The following KIAA1217 variants were observed in gnomAD, a reference collection of about 807,000 sequenced individuals.
KIAA1217 encodes KIAA1217.
Under a neutral mutation model 163.9 loss-of-function variants are expected in KIAA1217, and 88 were observed. The observed-to-expected ratio is 0.54, with a 90% CI of 0.45 to 0.64. The LOEUF is 0.64. Among genes scored for constraint, KIAA1217 ranks in the 30% least tolerant of loss-of-function variants. KIAA1217 has a pLI of 0.00. For synonymous variants in KIAA1217, 903 were observed against 923.1 expected, an observed-to-expected ratio of 0.98 and a Z score of 0.39; for missense variants, 2,372 against 2,475.0, an observed-to-expected ratio of 0.96 and a Z score of 0.88.
At chr10:24,486,207 T>C (rs2065373712) in intron 6 of KIAA1217, among the ~76,000 whole-genome samples, 1 of 152,162 alleles carries the variant, frequency 6.6e-6, no homozygotes, top group Non-Finnish European at 1.5e-5. Context: ...CTGTTCTCAG[T>C]GGAGGGGGCC....
intron 2 of KIAA1217, among the ~76,000 whole-genome samples, chr10:24,332,103 A>G (rs1463770532): frequency 6.6e-6 from 1 of 152,230 alleles, no homozygotes; most frequent in Non-Finnish European, 1.5e-5. Context: ...ACGTGATATC[A>G]GTAGTCAGGT....
intron 2 of KIAA1217, among the ~76,000 whole-genome samples, chr10:24,098,018 C>T (rs1483309989): frequency 6.6e-6 from 1 of 151,928 alleles, no homozygotes; most frequent in Non-Finnish European, 1.5e-5. Flanking sequence ...CTGGAGCTGC[C>T]GCTGATCTTT....
intron 6 of KIAA1217, 143 bp from the exon 7 acceptor site, chr10:24,494,357 C>A: frequency 1.5e-6 from 1 of 660,096 alleles, no homozygotes; most frequent in Non-Finnish European, 2.7e-6. Context: ...GGATGTGCGG[C>A]TCTTCATGTT....
At chr10:24,164,423 A>G (rs530252229) in intron 2 of KIAA1217, among the ~76,000 whole-genome samples, 11 of 152,192 alleles carry the variant, frequency 7.2e-5, no homozygotes, top group Non-Finnish European at 1.5e-4. Context: ...CTACTGGTGT[A>G]CCTGTTTCAA....
intron 1 of KIAA1217, among the ~76,000 whole-genome samples, chr10:23,900,135 A>G (rs1453186183): frequency 6.6e-6 from 1 of 151,828 alleles, no homozygotes; most frequent in Non-Finnish European, 1.5e-5. Context: ...CCTCCTGAGT[A>G]GCTGGGATTG....
In KIAA1217 at chr10:23,847,126, A is replaced by G. The variant is rs150075237; in HGVS notation, c.-321+151892A>G. On this transcript the variant is annotated intron_variant, in intron 1 of 18. Transcript: ENST00000376462. ...CATAAGCTTTTTAATGTGCTACTGG[A>G]TTCGGTTTGCCAGTATTTTATTGAG... Among the ~76,000 whole-genome samples, 33 of 152,198 alleles carry G rather than the reference A, an allele frequency of 2.2e-4. No individual in the cohort carries two copies. In the East Asian group the frequency reaches 5.0e-3, roughly 23 times the overall value.
intron 2 of KIAA1217, among the ~76,000 whole-genome samples, chr10:24,286,443 CAT>C (rs768917563): frequency 7.6e-4 from 114 of 150,606 alleles, no homozygotes; most frequent in Non-Finnish European, 1.0e-3. Context: ...CACACACACG[CAT>C]ATATATATAT....
intron 2 of KIAA1217, among the ~76,000 whole-genome samples, chr10:24,119,657 G>T (rs1188774691): frequency 6.6e-6 from 1 of 152,060 alleles, no homozygotes; most frequent in Non-Finnish European, 1.5e-5. Flanking sequence ...ATCTAGAAGG[G>T]CCCAGAATGT....
At chr10:23,789,874 CAT>C (rs967820098) in intron 1 of KIAA1217, among the ~76,000 whole-genome samples, 4 of 149,120 alleles carry the variant, frequency 2.7e-5, no homozygotes, top group African/African-American at 7.5e-5. Context: ...TAGTTCCCTT[CAT>C]ATATATATAT....
chr10:23,848,896 A>G (rs11013754), intron 1 of KIAA1217, among the ~76,000 whole-genome samples: 1 of 152,210 alleles, frequency 6.6e-6, no homozygotes, highest in East Asian at 1.9e-4. Flanking sequence ...TCACTAATAC[A>G]ATATATGTCA....
At chr10:24,032,779 T>G (rs1848239834) in intron 2 of KIAA1217, among the ~76,000 whole-genome samples, 1 of 152,172 alleles carries the variant, frequency 6.6e-6, no homozygotes, top group African/African-American at 2.4e-5. Flanking sequence ...TTTAATGCTT[T>G]AGATTATACG....
chr10:24,303,575 C>T (rs2041638728), intron 2 of KIAA1217, among the ~76,000 whole-genome samples: 2 of 152,138 alleles, frequency 1.3e-5, no homozygotes, highest in Non-Finnish European at 2.9e-5. Flanking sequence ...AAGGTTTGTG[C>T]CCTCGGCAAC....
intron 2 of KIAA1217, among the ~76,000 whole-genome samples, chr10:24,355,726 C>CTTTTTT (rs2049001042): frequency 1.4e-5 from 1 of 69,236 alleles, no homozygotes; most frequent in African/African-American, 3.9e-5. Context: ...CAAGTCCTCA[C>CTTTTTT]TCTTTTTTTT....
chr10:24,446,734 G>T (rs1592012216), intron 5 of KIAA1217, among the ~76,000 whole-genome samples: 1 of 152,178 alleles, frequency 6.6e-6, no homozygotes, highest in South Asian at 2.1e-4. Context: ...CAATTTGCTT[G>T]TATTTACTGC....
At chr10:24,065,415 A>C (rs543175854) in intron 2 of KIAA1217, among the ~76,000 whole-genome samples, 1 of 152,152 alleles carries the variant, frequency 6.6e-6, no homozygotes, top group African/African-American at 2.4e-5. Flanking sequence ...GTAGTCATTC[A>C]GGAGCAGGTT....
At chr10:23,702,010 T>C (rs1836485803) in intron 1 of KIAA1217, among the ~76,000 whole-genome samples, 3 of 152,144 alleles carry the variant, frequency 2.0e-5, no homozygotes, top group African/African-American at 7.2e-5. Flanking sequence ...AAGAGAGCCT[T>C]GGGTTTAGTA....
chr10:24,244,561 C>CTTTTTTTTTTTTTTT (rs11318420), intron 2 of KIAA1217, among the ~76,000 whole-genome samples: 9 of 85,304 alleles, frequency 1.1e-4, no homozygotes, highest in Non-Finnish European at 1.7e-4. Context: ...TTCTTTCTTT[C>CTTTTTTTTTTTTTTT]TTTTTTTTTT....
rs530011606 is a variant in KIAA1217, at chr10:23,799,529, A to G, written c.-321+104295A>G. Among the ~76,000 whole-genome samples the G allele has an allele frequency of 2.6e-4, 40 of 152,312 alleles. 1 individual carries two copies. The highest frequency in any genetic ancestry group is 9.6e-4 in the African/African-American group (40 of 41,574). ...TTTGCAGAGCAGACTGTCACGCTGC[A>G]GAAAGTGTGAAAATGGCAAAATGCT... On this transcript the variant is annotated intron_variant, in intron 1 of 18. Transcript: ENST00000376462.
intron 2 of KIAA1217, among the ~76,000 whole-genome samples, chr10:24,279,974 T>A (rs12250842): frequency 0.013 from 2,007 of 152,312 alleles, 38 homozygotes; most frequent in African/African-American, 0.046. Context: ...CAGTGAAGGC[T>A]CCTCTGTTGA....
Sources: allele counts gnomAD v4.1 joint callset (sites outside exome capture counted in the v4.1 genomes callset), GRCh38; gene constraint gnomAD v4.1.1; transcripts MANE v1.5; gene names NCBI Gene and HGNC (gene_info 2026-07-23, HGNC 2026-07-21).